The following COL11A1 variants were observed in gnomAD, a reference collection of about 807,000 sequenced individuals.
COL11A1 encodes collagen alpha-1(XI) chain.
In COL11A1, 74 loss-of-function variants were observed where a neutral mutation model predicts 265.2. The ratio of observed to expected loss-of-function variants is 0.28; its 90% CI spans 0.23 to 0.34. The LOEUF (loss-of-function observed/expected upper bound fraction) is 0.34, where lower values mean the gene tolerates loss of function less well. Among genes scored for constraint, COL11A1 ranks in the 10% least tolerant of loss-of-function variants. The pLI is 1.00. For missense variants in COL11A1, 2,165 were observed against 2,263.6 expected, an observed-to-expected ratio of 0.96 and a Z score of 0.88; for synonymous variants, 816 against 727.6, an observed-to-expected ratio of 1.12 and a Z score of -1.96.
intron 5 of COL11A1, among the ~76,000 whole-genome samples, chr1:103,027,789 G>A (rs1186725441): frequency 6.6e-6 from 1 of 152,026 alleles, no homozygotes; most frequent in Non-Finnish European, 1.5e-5. Flanking sequence ...CAACTTAAAC[G>A]TATTTTAATT....
chr1:102,934,000 A>G (rs556240550), intron 46 of COL11A1, among the ~76,000 whole-genome samples: 1 of 151,976 alleles, frequency 6.6e-6, no homozygotes, highest in South Asian at 2.1e-4. Flanking sequence ...GGCACTCCCT[A>G]GTGAGATGAA....
At position 102,896,638 on chromosome 1, in the gene COL11A1, A is replaced by G. The variant is rs566885285; in HGVS notation, c.4302+1487T>C. Among the ~76,000 whole-genome samples, 292 of 152,308 alleles carry G rather than the reference A, an allele frequency of 1.9e-3. 3 individuals are homozygous for G. The highest frequency in any genetic ancestry group is 6.7e-3 in the African/African-American group (280 of 41,576). ...TCCGCTTTACCTAAAGGATTTGGAA[A>G]TTATTCTGTCCTCTTGCGCTGTAAA... On this transcript the variant is annotated intron_variant, in intron 57 of 66. Coordinates refer to ENST00000370096, the MANE Select transcript of COL11A1 (RefSeq NM_001854.4).
chr1:102,978,485 C>T (rs780599594), intron 35 of COL11A1, among the ~76,000 whole-genome samples: 17 of 152,126 alleles, frequency 1.1e-4, no homozygotes, highest in Non-Finnish European at 1.9e-4. Flanking sequence ...AGTCCAGTTA[C>T]ACACATTTTT....
chr1:102,893,353 C>A (rs1651999545), intron 57 of COL11A1, among the ~76,000 whole-genome samples: 1 of 152,028 alleles, frequency 6.6e-6, no homozygotes, highest in African/African-American at 2.4e-5. Context: ...AATAATCTCT[C>A]TTAACATTAT....
In COL11A1 at chr1:102,978,744, TG is replaced by T; in HGVS notation, c.2717del (p.Ser906Ter). The T allele has an allele frequency of 6.2e-7, 1 of 1,614,184 alleles. No individual in the cohort carries two copies. The highest frequency in any genetic ancestry group is 8.5e-7 in the Non-Finnish European group (1 of 1,180,014). Reference sequence around the variant, plus strand: ...GAGGGCCAGGAGGGCCATCGCCACCTGAAGTGCCCTGGCACCAAGAAAAGAA... The same window carrying T: ...GAGGGCCAGGAGGGCCATCGCCACCTAAGTGCCCTGGCACCAAGAAAAGAA... The part of the protein sequence containing the change: ...PTGKPGPKGT[S>X]GGDGPPGPPG... On this transcript the variant is annotated frameshift_variant, in exon 35 of 67. Coordinates refer to ENST00000370096, the MANE Select transcript of COL11A1 (RefSeq NM_001854.4). LOFTEE classifies it high-confidence loss of function.
chr1:102,901,687 T>C (rs1570672971), intron 54 of COL11A1, among the ~76,000 whole-genome samples: 2 of 152,272 alleles, frequency 1.3e-5, no homozygotes, highest in East Asian at 1.9e-4. Context: ...CCCACTAAAA[T>C]AGGGCCTAGT....
chr1:102,896,426 A>T (rs1652434918), intron 57 of COL11A1, among the ~76,000 whole-genome samples: 1 of 152,220 alleles, frequency 6.6e-6, no homozygotes, highest in Non-Finnish European at 1.5e-5. Flanking sequence ...CATTTTGAAG[A>T]TGATTTATCT....
At chr1:102,886,690 CTG>C (rs1651023332) in intron 63 of COL11A1, 115 bp downstream of exon 63, 1 of 1,388,276 alleles carries the variant, frequency 7.2e-7, no homozygotes, top group Admixed American at 1.7e-5. Context: ...TAATTAATAA[CTG>C]TTTCATTTTA....
chr1:103,032,652 G>A (rs576646548), intron 4 of COL11A1, among the ~76,000 whole-genome samples: 1 of 151,932 alleles, frequency 6.6e-6, no homozygotes, highest in Non-Finnish European at 1.5e-5. Flanking sequence ...ATCCTAGCAG[G>A]CAATTTCTTA....
At position 103,108,217 on chromosome 1, in the gene COL11A1, G is replaced by A; in HGVS notation, c.-39C>T. The A allele has an allele frequency of 1.3e-6, 2 of 1,563,698 alleles. No homozygotes were observed. The highest frequency in any genetic ancestry group is 1.4e-5 in the African/African-American group (1 of 73,960). ...ACTCACAACTGTGAACTCAACCCAC[G>A]AAATTGCGACTGCAGACCAACTTCG... On this transcript the variant is annotated 5_prime_UTR_variant, in exon 1 of 67. Transcript: ENST00000370096.
intron 24 of COL11A1, among the ~76,000 whole-genome samples, chr1:102,998,934 A>C (rs147760397): frequency 6.6e-6 from 1 of 151,980 alleles, no homozygotes; most frequent in Admixed American, 6.6e-5. Context: ...TCAACAGATT[A>C]ATCCCTGTTT....
intron 54 of COL11A1, among the ~76,000 whole-genome samples, chr1:102,911,011 C>A (rs1216182160): frequency 1.3e-5 from 2 of 152,064 alleles, no homozygotes; most frequent in African/African-American, 4.8e-5. Context: ...TTATGAGCAG[C>A]TGGACTTACA....
At chr1:102,962,333 G>A (rs1016154471) in intron 39 of COL11A1, 68 bp from the exon 40 acceptor site, 3 of 1,184,982 alleles carry the variant, frequency 2.5e-6, no homozygotes, top group Non-Finnish European at 3.8e-6. Context: ...ACAAAATTGT[G>A]ATTACCTCTA....
Position 102,995,904 on chromosome 1 carries a change from G to C in COL11A1, c.2300C>G (p.Ala767Gly). 1 of 1,611,596 alleles carries C rather than the reference G, an allele frequency of 6.2e-7. No homozygotes were observed. The highest frequency in any genetic ancestry group is 8.5e-7 in the Non-Finnish European group (1 of 1,178,728). The change falls in exon 28 of 67, where the codon GCA (alanine) becomes GGA (glycine). Residue 767 changes from alanine (A) to glycine (G), a missense_variant. Transcript: ENST00000370096. The part of the protein sequence containing the change: ...GYPGPRGVKG[A>G]DGVRGLKGSK... ...TCCCTTGAGACCTCTGACACCATCT[G>C]CTCCCTGTGGAATAAATTAGAAGTA...
At chr1:103,008,137 T>A (rs540598880) in intron 15 of COL11A1, among the ~76,000 whole-genome samples, 177 of 152,260 alleles carry the variant, frequency 1.2e-3, no homozygotes, top group African/African-American at 4.1e-3. Flanking sequence ...GAGCAAAAAG[T>A]TCACAAACTT....
intron 42 of COL11A1, among the ~76,000 whole-genome samples, chr1:102,946,395 G>A (rs74110518): frequency 0.02 from 3,024 of 151,924 alleles, 107 homozygotes; most frequent in African/African-American, 0.069. Flanking sequence ...GATGTTCCCT[G>A]TCTCACTCAC....
chr1:102,991,675 G>C (rs1664152097), intron 28 of COL11A1, among the ~76,000 whole-genome samples: 1 of 152,108 alleles, frequency 6.6e-6, no homozygotes, highest in Admixed American at 6.6e-5. Context: ...TAACCACAAT[G>C]TTCAATAAAC....
chr1:103,051,155 G>A (rs1669788910), intron 4 of COL11A1, among the ~76,000 whole-genome samples: 1 of 152,230 alleles, frequency 6.6e-6, no homozygotes, highest in Non-Finnish European at 1.5e-5. Context: ...TAAGTCTGCA[G>A]AGGTTACTGC....
chr1:103,103,526 A>C (rs1304649805), intron 1 of COL11A1, among the ~76,000 whole-genome samples: 1 of 151,976 alleles, frequency 6.6e-6, no homozygotes, highest in Admixed American at 6.6e-5. Context: ...GGTAGTAAAT[A>C]GAGTATTTAA....
Sources: allele counts gnomAD v4.1 joint callset (sites outside exome capture counted in the v4.1 genomes callset), GRCh38; gene constraint gnomAD v4.1.1; transcripts MANE v1.5; gene names NCBI Gene and HGNC (gene_info 2026-07-23, HGNC 2026-07-21).